The following UBE2E1 variants were observed in gnomAD, a reference collection of about 807,000 sequenced individuals.
UBE2E1 encodes the protein ubiquitin-conjugating enzyme E2 E1.
UBE2E1 carries 6 observed loss-of-function variants against 21.4 expected under a neutral mutation model. The ratio of observed to expected loss-of-function variants is 0.28; its 90% confidence interval spans 0.15 to 0.55. UBE2E1 has a LOEUF of 0.55. Among genes scored for constraint, UBE2E1 ranks in the 20% least tolerant of loss-of-function variants. The probability of loss-of-function intolerance (pLI) is 0.93; values close to 1 mark genes in which losing one functional copy is unlikely to be tolerated. For missense variants in UBE2E1, 142 were observed against 236.5 expected (o/e 0.60, Z 2.62); for synonymous variants, 87 against 82.7 (o/e 1.05, Z -0.28).
chr3:23,826,613 G>GATTT (rs1356842508), intron 3 of UBE2E1, among the ~76,000 whole-genome samples: 2 of 152,190 alleles, frequency 1.3e-5, no homozygotes, highest in Non-Finnish European at 2.9e-5. Context: ...ATATCTAAAA[G>GATTT]ATTTATCTCT....
chr3:23,880,916 T>G (rs1701023782), intron 3 of UBE2E1, among the ~76,000 whole-genome samples: 1 of 152,218 alleles, frequency 6.6e-6, no homozygotes, highest in Non-Finnish European at 1.5e-5. Flanking sequence ...AGATGCTGTT[T>G]AAGACTGTAT....
intron 3 of UBE2E1, among the ~76,000 whole-genome samples, chr3:23,864,642 G>T (rs1575025556): frequency 1.3e-5 from 2 of 152,176 alleles, no homozygotes; most frequent in South Asian, 2.1e-4. Context: ...TGTCTCTCTG[G>T]ATATTAATAA....
At chr3:23,881,858 G>A (rs1363304670) in intron 3 of UBE2E1, among the ~76,000 whole-genome samples, 5 of 152,130 alleles carry the variant, frequency 3.3e-5, no homozygotes, top group Non-Finnish European at 7.4e-5. Flanking sequence ...GTGGGTTCGT[G>A]GTCTCGCTGG....
At chr3:23,829,549 G>A (rs1412941490) in intron 3 of UBE2E1, among the ~76,000 whole-genome samples, 1 of 152,034 alleles carries the variant, frequency 6.6e-6, no homozygotes, top group Non-Finnish European at 1.5e-5. Flanking sequence ...CAGTCCTTCT[G>A]CCTCAACCTC....
At chr3:23,845,748 G>C (rs1700190618) in intron 3 of UBE2E1, among the ~76,000 whole-genome samples, 1 of 151,980 alleles carries the variant, frequency 6.6e-6, no homozygotes, top group South Asian at 2.1e-4. Context: ...ATCTCTGTTA[G>C]AACCGTTCAA....
rs1383200757 is a variant in UBE2E1, at chr3:23,805,974, C to G, written c.-148C>G. The G allele has an allele frequency of 1.3e-5, 2 of 154,572 alleles. No homozygotes were observed. Among genetic ancestry groups the G allele is most frequent in the Admixed American group, 6.5e-5 (1 of 15,288 alleles). The allele number at this position is 154,572 out of a possible 1,614,324, so 9.6% of individuals were successfully genotyped here. A position where few individuals can be genotyped will look rare whatever the true frequency, so the allele number is the denominator to read the frequency against. ...GAAGCCATTGCCTGTTTAATAGTTG[C>G]TGTTGCTGCACTTCCGCTTCTCTCC... is the stretch of plus-strand genomic sequence containing the variant. On this transcript the variant is annotated 5_prime_UTR_variant, in exon 1 of 6. Coordinates refer to ENST00000306627, the MANE Select transcript of UBE2E1 (RefSeq NM_003341.5). This position sits in a 1 kb window ranked among gnomAD's most constrained non-coding sequence, Gnocchi z 6.5.
chr3:23,830,730 CAT>C (rs1699850132), intron 3 of UBE2E1, among the ~76,000 whole-genome samples: 1 of 152,184 alleles, frequency 6.6e-6, no homozygotes, highest in African/African-American at 2.4e-5. Context: ...CTCTGTGTAT[CAT>C]GTGTACAGTA....
intron 3 of UBE2E1, among the ~76,000 whole-genome samples, chr3:23,867,141 A>G (rs998312818): frequency 7.2e-6 from 1 of 138,712 alleles, no homozygotes; most frequent in African/African-American, 2.7e-5. Flanking sequence ...TGTCTTTTTT[A>G]TATTTTATGT....
intron 3 of UBE2E1, among the ~76,000 whole-genome samples, chr3:23,841,604 A>G (rs1700088436): frequency 6.6e-6 from 1 of 152,232 alleles, no homozygotes; most frequent in Non-Finnish European, 1.5e-5. Flanking sequence ...TCTGTCTAAT[A>G]GGGAGAAAAT....
rs1700601151 is a variant in UBE2E1, at chr3:23,863,808, G to A, written c.204-23759G>A. Among the ~76,000 whole-genome samples, 1 of 152,104 alleles carries A rather than the reference G, an allele frequency of 6.6e-6. No homozygotes were observed. The highest frequency in any genetic ancestry group is 2.4e-5 in the African/African-American group (1 of 41,400). ...GCCTCCCAAAGTGCTGGGATTACAG[G>A]CGTGAACCACCGCGCCCAGCCTGAA... On this transcript the variant is annotated intron_variant, in intron 3 of 5. Coordinates refer to ENST00000306627, the MANE Select transcript of UBE2E1 (RefSeq NM_003341.5). This position sits in a 1 kb window ranked among gnomAD's most constrained non-coding sequence, Gnocchi z 4.3.
At chr3:23,885,833 C>G (rs1315003507) in intron 3 of UBE2E1, among the ~76,000 whole-genome samples, 1 of 152,100 alleles carries the variant, frequency 6.6e-6, no homozygotes, top group Non-Finnish European at 1.5e-5. Context: ...GCACTCCAGC[C>G]TGGGCAACAA....
At chr3:23,860,538 C>T (rs1232592643) in intron 3 of UBE2E1, among the ~76,000 whole-genome samples, 2 of 152,192 alleles carry the variant, frequency 1.3e-5, no homozygotes, top group African/African-American at 4.8e-5. Context: ...TATCTTGATA[C>T]TATCTTACCT....
chr3:23,879,095 T>A, intron 3 of UBE2E1: 1 of 502,410 alleles, frequency 2.0e-6, no homozygotes, highest in Non-Finnish European at 3.9e-6. Context: ...GTTCCTGAAG[T>A]CTTGCTGTTA....
intron 4 of UBE2E1, chr3:23,888,226 C>T: frequency 2.2e-6 from 1 of 457,070 alleles, no homozygotes; most frequent in South Asian, 1.5e-5. Flanking sequence ...GGTCTTGTTC[C>T]TTTACCTCCA....
rs1699520897 is a variant in UBE2E1 at position 23,816,490 on chromosome 3, AG to A, written c.203+4982del. On this transcript the variant is annotated intron_variant, in intron 3 of 5. Transcript: ENST00000306627. The surrounding 1 kb of genome is among the most constrained non-coding windows in gnomAD (Gnocchi z 4.8). ...GGGAGGCTGAGGCAGGCGGATCACG[AG>A]GTCAGGAGATCGACACCATCGTGGC... Among the ~76,000 whole-genome samples the A allele has an allele frequency of 6.6e-6, 1 of 151,854 alleles. No homozygotes were observed. The highest frequency in any genetic ancestry group is 2.4e-5 in the African/African-American group (1 of 41,270).
chr3:23,827,599 A>G (rs1575812125), intron 3 of UBE2E1, among the ~76,000 whole-genome samples: 2 of 152,336 alleles, frequency 1.3e-5, no homozygotes, highest in African/African-American at 2.4e-5. Context: ...TTCAAAGCCT[A>G]ACCATTATAC....
intron 3 of UBE2E1, among the ~76,000 whole-genome samples, chr3:23,869,820 A>T (rs1188383151): frequency 2.6e-5 from 4 of 151,686 alleles, no homozygotes. Context: ...TGGGCAGAAC[A>T]CTTGCCTCAG....
chr3:23,868,723 T>G lies in UBE2E1; in HGVS notation c.204-18844T>G, dbSNP rs78267746. 4.1e-3 allele frequency among the ~76,000 whole-genome samples: 613 copies of G among 150,754 alleles called. 2 individuals are homozygous for G. The highest frequency in any genetic ancestry group is 0.013 in the African/African-American group (538 of 40,208). On this transcript the variant is annotated intron_variant, in intron 3 of 5. Coordinates refer to ENST00000306627, the MANE Select transcript of UBE2E1 (RefSeq NM_003341.5). ...ATTGGGAAGTAAACACAGTGTTGTT[T>G]TTTTTTTTTAATCTCAATAATTGGA...
intron 3 of UBE2E1, among the ~76,000 whole-genome samples, chr3:23,868,316 T>C (rs1034179709): frequency 6.6e-6 from 1 of 152,104 alleles, no homozygotes; most frequent in Non-Finnish European, 1.5e-5. Flanking sequence ...TTTTTATTTA[T>C]TTATTTATTT....
Sources: gnomAD v4.1 joint callset for allele counts (sites outside exome capture counted in the v4.1 genomes callset) on GRCh38, gnomAD v4.1.1 for gene constraint, Gnocchi (gnomAD v3.1) non-coding constraint, MANE v1.5 for transcripts, NCBI Gene and HGNC (gene_info 2026-07-23, HGNC 2026-07-21) for gene names.